Variants in LYPLA1 observed in about 807,000 individuals in gnomAD.
LYPLA1 encodes acyl-protein thioesterase 1.
In LYPLA1, 17 loss-of-function variants were observed where a neutral mutation model predicts 34.0. The ratio of observed to expected loss-of-function variants is 0.50; its 90% CI spans 0.34 to 0.75. LYPLA1 has a LOEUF of 0.75. Among genes scored for constraint, LYPLA1 ranks in the 30% least tolerant of loss-of-function variants. The probability of loss-of-function intolerance (pLI) is 0.01; values close to 1 mark genes in which losing one functional copy is unlikely to be tolerated. For missense variants in LYPLA1, 203 were observed against 288.8 expected (o/e 0.70, Z 2.15); for synonymous variants, 98 against 100.8 (o/e 0.97, Z 0.17).
chr8:54,089,071 G>A (rs1234594836), intron 2 of LYPLA1, among the ~76,000 whole-genome samples: 2 of 152,340 alleles, frequency 1.3e-5, no homozygotes, highest in African/African-American at 4.8e-5. Context: ...GGAATAAGTA[G>A]TCTGCAGATG....
intron 2 of LYPLA1, among the ~76,000 whole-genome samples, chr8:54,099,178 G>A (rs1436140176): frequency 1.3e-5 from 2 of 150,260 alleles, no homozygotes; most frequent in Non-Finnish European, 3.0e-5. Context: ...GCTCATTATT[G>A]GCAAAGTTAG....
chr8:54,079,846 T>C (rs1349702403), intron 2 of LYPLA1, among the ~76,000 whole-genome samples: 2 of 152,110 alleles, frequency 1.3e-5, no homozygotes, highest in Non-Finnish European at 2.9e-5. Context: ...CTGTCTGTTA[T>C]CTCTGCAAAA....
chr8:54,094,758 A>G (rs1809554179), intron 2 of LYPLA1, among the ~76,000 whole-genome samples: 2 of 152,222 alleles, frequency 1.3e-5, no homozygotes, highest in Admixed American at 1.3e-4. Context: ...AAAGTCTTGT[A>G]CCATAAAGTG....
intron 2 of LYPLA1, among the ~76,000 whole-genome samples, chr8:54,070,849 C>A (rs1385005743): frequency 6.6e-6 from 1 of 152,102 alleles, no homozygotes; most frequent in African/African-American, 2.4e-5. Flanking sequence ...GTGAAAGAAG[C>A]CAGTTACAAT....
chr8:54,058,010 TAAC>T (rs1276420203), intron 5 of LYPLA1, among the ~76,000 whole-genome samples: 5 of 152,312 alleles, frequency 3.3e-5, no homozygotes, highest in East Asian at 1.9e-4. Context: ...AATATTTTGT[TAAC>T]AACAGTTCTT....
At chr8:54,048,370 TAA>T (rs751412727) in intron 8 of LYPLA1, among the ~76,000 whole-genome samples, 1 of 152,132 alleles carries the variant, frequency 6.6e-6, no homozygotes, top group African/African-American at 2.4e-5. Flanking sequence ...TGGAACAATA[TAA>T]GACACTGGGG....
At chr8:54,065,600 T>A (rs921375044) in intron 3 of LYPLA1, 148 bp downstream of exon 3, 1 of 494,992 alleles carries the variant, frequency 2.0e-6, no homozygotes, top group South Asian at 4.9e-5. Context: ...CCATTTTAGT[T>A]TTAAGGAATT....
intron 2 of LYPLA1, among the ~76,000 whole-genome samples, chr8:54,091,180 T>C (rs1023661438): frequency 6.6e-6 from 1 of 152,098 alleles, no homozygotes; most frequent in African/African-American, 2.4e-5. Flanking sequence ...CCAACCTCCA[T>C]TCTACATAAG....
At chr8:54,051,324 T>G (rs1805829573) in intron 7 of LYPLA1, 136 bp from the exon 8 acceptor site, 2 of 676,638 alleles carry the variant, frequency 3.0e-6, no homozygotes, top group Non-Finnish European at 2.4e-6. Flanking sequence ...ATAAAATTCC[T>G]TCATCCATAT....
intron 3 of LYPLA1, among the ~76,000 whole-genome samples, chr8:54,064,326 A>G (rs1586104362): frequency 6.6e-6 from 1 of 152,190 alleles, no homozygotes; most frequent in Admixed American, 6.5e-5. Context: ...CTGAGGCAGG[A>G]GAAACGCATG....
rs546935585 is a variant in LYPLA1 at position 54,085,267 on chromosome 8, C to T, written c.101+15641G>A. ...CATCCCGAGGTGCCGGGATTGCAGA[C>T]GGAGTCTCGCTCACTCAGTGCTCAA... On this transcript the variant is annotated intron_variant, in intron 2 of 8. Coordinates refer to ENST00000316963, the MANE Select transcript of LYPLA1 (RefSeq NM_006330.4). Among the ~76,000 whole-genome samples the T allele has an allele frequency of 2.4e-4, 36 of 152,262 alleles. No homozygotes were observed. The South Asian group carries it at 5.4e-3, about 23-fold the overall frequency.
At chr8:54,098,972 T>C (rs1809900907) in intron 2 of LYPLA1, among the ~76,000 whole-genome samples, 1 of 152,234 alleles carries the variant, frequency 6.6e-6, no homozygotes, top group African/African-American at 2.4e-5. Context: ...CTTTGTTTTT[T>C]CTTTTATCAC....
intron 2 of LYPLA1, among the ~76,000 whole-genome samples, chr8:54,066,183 C>T (rs1264735359): frequency 1.3e-5 from 2 of 152,018 alleles, no homozygotes; most frequent in African/African-American, 2.4e-5. Context: ...GTGATCCGCT[C>T]GCCTCGGCCT....
chr8:54,061,393 A>C (rs1279029732), intron 5 of LYPLA1, among the ~76,000 whole-genome samples: 1 of 152,134 alleles, frequency 6.6e-6, no homozygotes, highest in Non-Finnish European at 1.5e-5. Context: ...CCAAAACTAT[A>C]TAAACATTCT....
At chr8:54,075,322 T>C (rs768508344) in intron 2 of LYPLA1, among the ~76,000 whole-genome samples, 1 of 152,262 alleles carries the variant, frequency 6.6e-6, no homozygotes, top group Admixed American at 6.5e-5. Flanking sequence ...GAGGTTATGC[T>C]TGTGTTTCTC....
intron 2 of LYPLA1, among the ~76,000 whole-genome samples, chr8:54,069,332 T>C (rs938349660): frequency 1.3e-5 from 2 of 152,196 alleles, no homozygotes; most frequent in Non-Finnish European, 1.5e-5. Flanking sequence ...ACATGTTGTA[T>C]ACATGTATCA....
At chr8:54,080,415 T>C (rs755765127) in intron 2 of LYPLA1, among the ~76,000 whole-genome samples, 19 of 152,186 alleles carry the variant, frequency 1.2e-4, no homozygotes, top group Non-Finnish European at 2.4e-4. Context: ...AAATAAAGCT[T>C]CAATTATGTT....
chr8:54,058,932 T>C (rs905706928), intron 5 of LYPLA1, among the ~76,000 whole-genome samples: 1 of 152,166 alleles, frequency 6.6e-6, no homozygotes, highest in Admixed American at 6.6e-5. Flanking sequence ...CTGAGCACTG[T>C]CTTCTTTGTT....
intron 1 of LYPLA1, 130 bp from the exon 2 acceptor site, chr8:54,101,069 G>T: frequency 1.5e-6 from 1 of 680,056 alleles, no homozygotes; most frequent in Middle Eastern, 2.7e-4. Context: ...TATCTTCGGC[G>T]ACTTAATCTT....
Sources: allele counts gnomAD v4.1 joint callset (sites outside exome capture counted in the v4.1 genomes callset), GRCh38; gene constraint gnomAD v4.1.1; transcripts MANE v1.5; gene names NCBI Gene and HGNC (gene_info 2026-07-23, HGNC 2026-07-21).